DUSP13B: variants seen among roughly 807,000 people sequenced by gnomAD.
DUSP13B encodes the protein dual specificity phosphatase 13B.
the DUSP13B span, among the ~76,000 whole-genome samples, chr10:75,095,414 A>C: frequency 6.6e-6 from 1 of 152,192 alleles, no homozygotes; most frequent in Admixed American, 6.5e-5. Context: ...GTGTCCCTGA[A>C]GGGGACACTC....
At chr10:75,099,220 T>C in the DUSP13B span, 1 of 1,232,100 alleles carries the variant, frequency 8.1e-7, no homozygotes, top group East Asian at 3.2e-5. Flanking sequence ...CCTGGACCAG[T>C]GACTAGGGAA....
the DUSP13B span, chr10:75,097,657 C>T: frequency 5.5e-6 from 8 of 1,458,732 alleles, no homozygotes; most frequent in Admixed American, 6.6e-5. Flanking sequence ...CCCCCATTCC[C>T]GTGTGAACCT....
chr10:75,099,327 C>T, the DUSP13B span: 18 of 1,232,202 alleles, frequency 1.5e-5, no homozygotes, highest in Non-Finnish European at 1.8e-5. Context: ...TGGCCAGGCT[C>T]ACCCAGTGGG....
At chr10:75,106,424 TCTGACTAA>T in the DUSP13B span, among the ~76,000 whole-genome samples, 1 of 152,296 alleles carries the variant, frequency 6.6e-6, no homozygotes, top group South Asian at 2.1e-4. Flanking sequence ...CTGGTCTCGG[TCTGACTAA>T]CTTCCACTAC....
chr10:75,100,840 A>G, the DUSP13B span, among the ~76,000 whole-genome samples: 1 of 152,154 alleles, frequency 6.6e-6, no homozygotes, highest in African/African-American at 2.4e-5. Context: ...ATCCTCCCCC[A>G]GGAAGCTCAT....
At chr10:75,094,460 T>C in the DUSP13B span, 1 of 576,600 alleles carries the variant, frequency 1.7e-6, no homozygotes, top group Non-Finnish European at 3.1e-6. Context: ...TATTTTATTA[T>C]AGAGATGGAC....
the DUSP13B span, chr10:75,108,014 G>A: frequency 6.2e-7 from 1 of 1,613,208 alleles, no homozygotes; most frequent in Non-Finnish European, 8.5e-7. Flanking sequence ...TGAGGGCACG[G>A]TGGATGAAGT....
At chr10:75,108,445 A>G in the DUSP13B span, among the ~76,000 whole-genome samples, 1 of 152,186 alleles carries the variant, frequency 6.6e-6, no homozygotes, top group South Asian at 2.1e-4. Context: ...TGCTTCCTCA[A>G]TGCATCTGTC....
chr10:75,105,124 G>A, the DUSP13B span, among the ~76,000 whole-genome samples: 1 of 152,298 alleles, frequency 6.6e-6, no homozygotes, highest in East Asian at 1.9e-4. Context: ...CACCGTGGAG[G>A]CCTGGCCTTA....
the DUSP13B span, chr10:75,095,717 C>T: frequency 6.2e-7 from 1 of 1,614,228 alleles, no homozygotes; most frequent in Non-Finnish European, 8.5e-7. Context: ...CTGTGTCCAC[C>T]TGGAACTTGC....
chr10:75,103,545 C>G, the DUSP13B span, among the ~76,000 whole-genome samples: 1 of 152,220 alleles, frequency 6.6e-6, no homozygotes, highest in Non-Finnish European at 1.5e-5. Flanking sequence ...CTAGGACCTT[C>G]AATTGGGCCT....
chr10:75,109,002 C>G, the DUSP13B span: 1 of 1,595,110 alleles, frequency 6.3e-7, no homozygotes, highest in Admixed American at 1.7e-5. Context: ...GGCCAGCTAC[C>G]ACTCACGCAT....
the DUSP13B span, chr10:75,094,832 T>C: frequency 1.2e-6 from 2 of 1,614,010 alleles, no homozygotes; most frequent in African/African-American, 1.3e-5. Context: ...CCAGGACAAG[T>C]GTGGCAGAGC....
At chr10:75,105,839 C>T in the DUSP13B span, 24 of 1,550,506 alleles carry the variant, frequency 1.5e-5, no homozygotes, top group Admixed American at 3.7e-4. Context: ...GAGCGGCTCA[C>T]GCCCACCACA....
the DUSP13B span, chr10:75,108,975 C>T: frequency 6.4e-7 from 1 of 1,570,028 alleles, no homozygotes; most frequent in East Asian, 2.3e-5. Flanking sequence ...CTCCACGTCC[C>T]CACCCCCATG....
chr10:75,108,346 G>A, the DUSP13B span: 1 of 1,427,950 alleles, frequency 7.0e-7, no homozygotes. Flanking sequence ...TCCAAGTGGG[G>A]TCTGACTCCA....
At chr10:75,108,088 G>T in the DUSP13B span, 1 of 1,613,768 alleles carries the variant, frequency 6.2e-7, no homozygotes, top group Admixed American at 1.7e-5. Flanking sequence ...GGCACCCCCA[G>T]GTAGCTCACA....
chr10:75,095,091 C>T, the DUSP13B span, among the ~76,000 whole-genome samples: 2 of 152,190 alleles, frequency 1.3e-5, no homozygotes, highest in Admixed American at 6.5e-5. Flanking sequence ...CCGGGATTTC[C>T]TTCTTCCAGT....
the DUSP13B span, among the ~76,000 whole-genome samples, chr10:75,096,156 G>A: frequency 6.6e-6 from 1 of 152,102 alleles, no homozygotes; most frequent in East Asian, 1.9e-4. Context: ...TCAGAAGACT[G>A]AGTCAGGAGA....
Sources: allele counts gnomAD v4.1 joint callset (sites outside exome capture counted in the v4.1 genomes callset), GRCh38; gene constraint gnomAD v4.1.1; transcripts MANE v1.5; gene names NCBI Gene and HGNC (gene_info 2026-07-23, HGNC 2026-07-21).